Variants in SYTL5 observed in about 807,000 individuals in gnomAD.
The protein encoded by SYTL5 is synaptotagmin like 5.
A neutral mutation model predicts 55.9 loss-of-function variants in SYTL5; 34 were observed. The observed-to-expected ratio is 0.61, with a 90% CI of 0.46 to 0.81. The LOEUF (loss-of-function observed/expected upper bound fraction) is 0.81, where lower values mean the gene tolerates loss of function less well. SYTL5 is among the 30% of genes least tolerant of loss of function. The pLI, the probability that SYTL5 is intolerant of heterozygous loss-of-function variation, is 0.00. For missense variants in SYTL5, 637 were observed against 546.7 expected, an observed-to-expected ratio of 1.17 and a Z score of -1.65; for synonymous variants, 221 against 188.7, an observed-to-expected ratio of 1.17 and a Z score of -1.40.
chrX:38,066,577 T>G (rs1371431021), intron 3 of SYTL5, among the ~76,000 whole-genome samples: 1 of 111,209 alleles, frequency 9.0e-6, no homozygotes, highest in Non-Finnish European at 1.9e-5. Flanking sequence ...AATTTTATAG[T>G]GGGTGGGATT....
At chrX:37,889,807 A>G in the SYTL5 span, among the ~76,000 whole-genome samples, 36 of 111,239 alleles carry the variant, frequency 3.2e-4, no homozygotes, top group Non-Finnish European at 7.5e-5. Context: ...AATGCTTGAG[A>G]TAAATACTAA....
At chrX:38,102,534 A>G in intron 10 of SYTL5, 100 bp downstream of exon 10, 2 of 586,043 alleles carry the variant, frequency 3.4e-6, no homozygotes, top group Non-Finnish European at 5.7e-6. Context: ...AAAATGTGTG[A>G]TAATGAGTTA....
the SYTL5 span, among the ~76,000 whole-genome samples, chrX:37,955,004 A>G: frequency 2.7e-5 from 3 of 111,261 alleles, no homozygotes; most frequent in Non-Finnish European, 5.7e-5. Context: ...AGTCTTATCA[A>G]TAGCAGGAAA....
intron 6 of SYTL5, among the ~76,000 whole-genome samples, chrX:38,084,263 G>C (rs1210980470): frequency 1.8e-5 from 2 of 112,244 alleles, no homozygotes; most frequent in Non-Finnish European, 3.8e-5. Context: ...GGAGGGCATG[G>C]AAACTCTGCA....
chrX:38,110,593 C>CA (rs1937335790), intron 13 of SYTL5, 111 bp downstream of exon 13: 2 of 632,048 alleles, frequency 3.2e-6, no homozygotes, highest in Non-Finnish European at 4.5e-6. Flanking sequence ...TGATAATCTG[C>CA]AAAAAATTAG....
intron 1 of SYTL5, among the ~76,000 whole-genome samples, chrX:38,030,606 G>GT (rs1423937540): frequency 8.9e-6 from 1 of 112,173 alleles, no homozygotes; most frequent in Non-Finnish European, 1.9e-5. Context: ...TTCCAGAAGG[G>GT]AAGCCGGAAG....
chrX:38,112,241 G>A (rs1484059297), intron 13 of SYTL5, among the ~76,000 whole-genome samples: 1 of 111,667 alleles, frequency 9.0e-6, no homozygotes, highest in African/African-American at 3.3e-5. Flanking sequence ...GCCTATGTAA[G>A]CAGAGAGCCA....
At chrX:38,061,268 A>G (rs1372312871) in intron 3 of SYTL5, among the ~76,000 whole-genome samples, 1 of 112,170 alleles carries the variant, frequency 8.9e-6, no homozygotes, top group Non-Finnish European at 1.9e-5. Flanking sequence ...AAATCAGAGT[A>G]CATTACTTCT....
the SYTL5 span, among the ~76,000 whole-genome samples, chrX:37,963,463 T>C: frequency 9.0e-6 from 1 of 110,959 alleles, no homozygotes; most frequent in Admixed American, 9.5e-5. Context: ...TTATTTTTTG[T>C]ATTTTTAGTA....
At chrX:37,961,633 T>A in the SYTL5 span, among the ~76,000 whole-genome samples, 3 of 112,116 alleles carry the variant, frequency 2.7e-5, no homozygotes, top group South Asian at 1.1e-3. Context: ...ATTATTCTTA[T>A]GTCATAATGA....
the SYTL5 span, among the ~76,000 whole-genome samples, chrX:37,977,700 T>TCACACACACACA: frequency 3.6e-5 from 3 of 82,553 alleles, no homozygotes; most frequent in African/African-American, 1.3e-4. Flanking sequence ...GGACCAATGA[T>TCACACACACACA]CACACACACA....
chrX:38,102,385 C>T lies in SYTL5; in HGVS notation c.1106C>T (p.Ser369Phe). ...ETEESIDALV[S>F]SQLSTNTHRL... is the part of the protein sequence containing the mutation. ...GAAGAAAGCATTGATGCCTTAGTGT[C>T]CTCGCAGTTATCTACAAACACTCAC... Residue 369 changes from serine to phenylalanine, a missense_variant, in exon 10 of 17, where the codon TCC (serine) becomes TTC (phenylalanine). By Grantham distance (155) the Ser-to-Phe change is radical. Transcript: ENST00000297875. 1 of 1,209,080 alleles carries T rather than the reference C, an allele frequency of 8.3e-7. No homozygotes were observed. The highest frequency in any genetic ancestry group is 1.8e-5 in the South Asian group (1 of 56,833).
the SYTL5 span, among the ~76,000 whole-genome samples, chrX:37,993,266 A>G: frequency 8.9e-6 from 1 of 112,284 alleles, no homozygotes; most frequent in African/African-American, 3.2e-5. Flanking sequence ...AAAATACAGA[A>G]TTAGTAGAGA....
chrX:37,935,634 G>GT, the SYTL5 span, among the ~76,000 whole-genome samples: 1 of 111,866 alleles, frequency 8.9e-6, no homozygotes, highest in African/African-American at 3.2e-5. Flanking sequence ...TTGGAGCAGT[G>GT]TTTTTTGTAT....
chrX:37,948,191 G>A, the SYTL5 span, among the ~76,000 whole-genome samples: 95 of 110,399 alleles, frequency 8.6e-4, 7 homozygotes, highest in Admixed American at 4.2e-3. Context: ...CTATTACCAA[G>A]CAGTCTAATG....
intron 5 of SYTL5, 83 bp downstream of exon 5, chrX:38,073,781 G>C (rs1292188284): frequency 3.2e-6 from 2 of 634,563 alleles, no homozygotes; most frequent in Non-Finnish European, 4.7e-6. Context: ...TTTCAAGTTT[G>C]ATGTCACTTC....
the SYTL5 span, among the ~76,000 whole-genome samples, chrX:37,903,731 G>T: frequency 2.7e-5 from 3 of 111,298 alleles, no homozygotes; most frequent in Non-Finnish European, 5.7e-5. Flanking sequence ...AAAATTCAAA[G>T]TAAATTACTC....
chrX:38,097,302 A>G (rs754114471), intron 9 of SYTL5, among the ~76,000 whole-genome samples: 29 of 110,625 alleles, frequency 2.6e-4, no homozygotes, highest in Non-Finnish European at 4.6e-4. Flanking sequence ...TTCTGTATGT[A>G]GAAGATACTA....
the SYTL5 span, among the ~76,000 whole-genome samples, chrX:37,978,509 T>C: frequency 8.9e-6 from 1 of 112,285 alleles, no homozygotes; most frequent in Non-Finnish European, 1.9e-5. Context: ...TGGTCACACA[T>C]CATAATGCTT....
Sources: allele counts gnomAD v4.1 joint callset (sites outside exome capture counted in the v4.1 genomes callset), GRCh38; gene constraint gnomAD v4.1.1; transcripts MANE v1.5; gene names NCBI Gene and HGNC (gene_info 2026-07-23, HGNC 2026-07-21).